POC5: variants seen among roughly 807,000 people sequenced by gnomAD.
POC5 encodes centrosomal protein POC5.
A neutral mutation model predicts 62.9 loss-of-function variants in POC5; 48 were observed. The observed-to-expected ratio is 0.76, with a 90% CI of 0.61 to 0.97. The LOEUF (loss-of-function observed/expected upper bound fraction) is 0.97. Among genes scored for constraint, POC5 ranks in the 50% least tolerant of loss-of-function variants. The pLI, the probability that POC5 is intolerant of heterozygous loss-of-function variation, is 0.00. For synonymous variants in POC5, 236 were observed against 228.2 expected, an observed-to-expected ratio of 1.03 and a Z score of -0.31; for missense variants, 696 against 679.5, an observed-to-expected ratio of 1.02 and a Z score of -0.27.
chr5:75,713,160 C>A (rs905722077), intron 1 of POC5, among the ~76,000 whole-genome samples: 7 of 152,178 alleles, frequency 4.6e-5, no homozygotes, highest in African/African-American at 1.4e-4. Context: ...GAGTTTATAA[C>A]GTAGTCAGGT....
At chr5:75,691,093 AT>A (rs1776314244) in intron 7 of POC5, among the ~76,000 whole-genome samples, 1 of 152,222 alleles carries the variant, frequency 6.6e-6, no homozygotes, top group Non-Finnish European at 1.5e-5. Flanking sequence ...ATGAATTTAA[AT>A]TCTTTTGAAG....
At position 75,699,595 on chromosome 5, in the gene POC5, A is replaced by C. The variant is rs898190436; in HGVS notation, c.513+3010T>G. On this transcript the variant is annotated intron_variant, in intron 5 of 11. Coordinates refer to ENST00000428202, the MANE Select transcript of POC5 (RefSeq NM_001099271.2). Reference sequence around the variant, plus strand: ...AAATAATAAGAGCTATCTATGACAAACCCACAGCCAATATCATACTGAATG... The same window carrying C: ...AAATAATAAGAGCTATCTATGACAACCCCACAGCCAATATCATACTGAATG... 3.7e-5 allele frequency among the ~76,000 whole-genome samples: 5 copies of C among 135,922 alleles called. 1 individual carries two copies. The highest frequency in any genetic ancestry group is 1.3e-4 in the African/African-American group (5 of 37,656). The allele number at this position is 135,922 out of a possible 152,430, so 89.2% of individuals were successfully genotyped here.
chr5:75,675,460 T>G (rs140193857), intron 11 of POC5, among the ~76,000 whole-genome samples: 23 of 152,254 alleles, frequency 1.5e-4, no homozygotes, highest in African/African-American at 4.8e-4. Context: ...GGTCAAAACA[T>G]TCACTATGTA....
At chr5:75,706,118 G>T (rs906664012) in intron 3 of POC5, among the ~76,000 whole-genome samples, 14 of 152,286 alleles carry the variant, frequency 9.2e-5, no homozygotes, top group Non-Finnish European at 1.5e-5. Context: ...TATGACACTG[G>T]GTATTTCCAG....
intron 6 of POC5, among the ~76,000 whole-genome samples, chr5:75,693,075 T>C (rs1370661040): frequency 6.9e-6 from 1 of 144,152 alleles, no homozygotes; most frequent in Non-Finnish European, 1.5e-5. Flanking sequence ...GTTATACATA[T>C]AACTATTAAT....
chr5:75,684,725 A>G (rs2112095824), intron 10 of POC5, among the ~76,000 whole-genome samples: 1 of 152,188 alleles, frequency 6.6e-6, no homozygotes, highest in Non-Finnish European at 1.5e-5. Flanking sequence ...CTATGACAGC[A>G]CTTTCAGGTA....
At chr5:75,698,830 T>C (rs1295478028) in intron 5 of POC5, among the ~76,000 whole-genome samples, 1 of 151,576 alleles carries the variant, frequency 6.6e-6, no homozygotes, top group African/African-American at 2.4e-5. Context: ...GCAAGACTAA[T>C]AAAGAAGAAA....
intron 11 of POC5, among the ~76,000 whole-genome samples, chr5:75,677,039 C>T (rs1382511998): frequency 1.3e-5 from 2 of 151,998 alleles, no homozygotes; most frequent in Non-Finnish European, 2.9e-5. Context: ...TATAAAATGC[C>T]TTAATACATC....
intron 2 of POC5, chr5:75,712,159 A>G (rs1777371731): frequency 4.4e-6 from 1 of 226,006 alleles, no homozygotes; most frequent in Non-Finnish European, 7.4e-6. Flanking sequence ...CTTTTCTCAT[A>G]TCGTACAGAA....
At chr5:75,707,495 C>T (rs571887001) in intron 3 of POC5, 29 of 359,274 alleles carry the variant, frequency 8.1e-5, no homozygotes, top group East Asian at 4.5e-5. Flanking sequence ...CATAGCATTG[C>T]TTCAACTTTA....
chr5:75,692,268 G>T, intron 7 of POC5, 128 bp downstream of exon 7: 1 of 568,326 alleles, frequency 1.8e-6, no homozygotes. Flanking sequence ...AAATTCCTTT[G>T]AAATAAGAGG....
chr5:75,674,253 A>T lies in POC5; in HGVS notation c.*182T>A. 2.2e-6 allele frequency: 1 copy of T among 457,912 alleles called. No individual in the cohort carries two copies. The highest frequency in any genetic ancestry group is 3.6e-6 in the Non-Finnish European group (1 of 278,312). The allele number at this position is 457,912 out of a possible 1,614,324, so 28.4% of individuals were successfully genotyped here. ...AATTGCTTAAATAAAAAATAACATT[A>T]AAATAATTTCTACATATAGTTACAA... On this transcript the variant is annotated 3_prime_UTR_variant, in exon 12 of 12. Transcript: ENST00000428202.
intron 10 of POC5, among the ~76,000 whole-genome samples, chr5:75,680,043 C>A (rs1333576687): frequency 6.6e-6 from 1 of 152,060 alleles, no homozygotes; most frequent in Non-Finnish European, 1.5e-5. Flanking sequence ...AAAATATTTA[C>A]AAATATGTTT....
chr5:75,689,324 T>TTAC lies in POC5; in HGVS notation c.976-162_976-160dup, dbSNP rs1776223173. The TTAC allele has an allele frequency of 8.1e-6, 8 of 985,036 alleles. 1 individual carries two copies. The African/African-American group carries it at 1.0e-4, about 13-fold the overall frequency. The allele number at this position is 985,036 out of a possible 1,614,324, so 61.0% of individuals were successfully genotyped here. ...TGCAATTTATTTTAAAAGGTACCTC[T>TTAC]TACCTCTATTATCTCCATCAACAAA... On this transcript the variant is annotated intron_variant, in intron 8 of 11. Transcript: ENST00000428202.
intron 4 of POC5, among the ~76,000 whole-genome samples, chr5:75,705,006 C>T (rs1488287462): frequency 1.3e-5 from 2 of 152,066 alleles, no homozygotes; most frequent in African/African-American, 4.8e-5. Context: ...TTGAGACCAG[C>T]CTGGGCAACA....
intron 1 of POC5, among the ~76,000 whole-genome samples, chr5:75,714,988 C>G (rs1777491262): frequency 6.6e-6 from 1 of 152,112 alleles, no homozygotes; most frequent in Non-Finnish European, 1.5e-5. Flanking sequence ...ATCCTGAGGT[C>G]CTGTATTAGT....
intron 10 of POC5, among the ~76,000 whole-genome samples, 179 bp downstream of exon 10, chr5:75,685,028 C>T (rs554374585): frequency 1.3e-5 from 2 of 151,972 alleles, no homozygotes; most frequent in African/African-American, 2.4e-5. Context: ...CCACCACACC[C>T]GGCTAATTTT....
rs189577194 is a variant in POC5, at chr5:75,683,519, C to T, written c.1407+1688G>A. Among the ~76,000 whole-genome samples the T allele has an allele frequency of 1.2e-3, 183 of 152,180 alleles. 1 individual carries two copies. The highest frequency in any genetic ancestry group is 3.9e-3 in the African/African-American group (163 of 41,516). On this transcript the variant is annotated intron_variant, in intron 10 of 11. Coordinates refer to ENST00000428202, the MANE Select transcript of POC5 (RefSeq NM_001099271.2). ...AAGTGTTGGGATTACAGGCATGAGCCGCCGCGCATGGCTTTTTTTAAACTG... is the reference window on the plus strand; with the variant it reads ...AAGTGTTGGGATTACAGGCATGAGCTGCCGCGCATGGCTTTTTTTAAACTG...
intron 10 of POC5, among the ~76,000 whole-genome samples, chr5:75,682,267 T>C (rs923900026): frequency 6.6e-6 from 1 of 152,218 alleles, no homozygotes; most frequent in Non-Finnish European, 1.5e-5. Context: ...GTTCTTCCCA[T>C]ACATATTCAG....
Sources: gnomAD v4.1 joint callset for allele counts (sites outside exome capture counted in the v4.1 genomes callset) on GRCh38, gnomAD v4.1.1 for gene constraint, MANE v1.5 for transcripts, NCBI Gene and HGNC (gene_info 2026-07-23, HGNC 2026-07-21) for gene names.